The following VPS13C variants were observed in gnomAD, a reference collection of about 807,000 sequenced individuals.
The protein encoded by VPS13C is vacuolar protein sorting 13 homolog C, also known as intermembrane lipid transfer protein VPS13C.
In VPS13C, 358 loss-of-function variants were observed where a neutral mutation model predicts 456.8. The observed-to-expected ratio is 0.78, with a 90% CI of 0.72 to 0.86. The LOEUF (loss-of-function observed/expected upper bound fraction) is 0.86. Among genes scored for constraint, VPS13C ranks in the 40% least tolerant of loss-of-function variants. The pLI, the probability that VPS13C is intolerant of heterozygous loss-of-function variation, is 0.00. For synonymous variants in VPS13C, 1,578 were observed against 1,486.7 expected, an observed-to-expected ratio of 1.06 and a Z score of -1.41; for missense variants, 4,818 against 4,385.4, an observed-to-expected ratio of 1.10 and a Z score of -2.79.
In VPS13C at chr15:61,858,858, T is replaced by C. The variant is rs746941263; in HGVS notation, c.10953-2449A>G. On this transcript the variant is annotated intron_variant, in intron 82 of 84. Coordinates refer to ENST00000644861, the MANE Select transcript of VPS13C (RefSeq NM_020821.3). The surrounding 1 kb of genome is among the most constrained non-coding windows in gnomAD (Gnocchi z 4.4). The stretch of plus-strand genomic sequence containing the variant: ...AGCTTGGAAGTGGATTCTGTGGTAA[T>C]TTGTTGTGCAGCAATACAAAATGTA... Among the ~76,000 whole-genome samples, 1 of 152,160 alleles carries C rather than the reference T, an allele frequency of 6.6e-6. No homozygotes were observed. The highest frequency in any genetic ancestry group is 1.5e-5 in the Non-Finnish European group (1 of 68,030).
intron 82 of VPS13C, among the ~76,000 whole-genome samples, chr15:61,860,010 G>C (rs1382478038): frequency 6.6e-6 from 1 of 151,818 alleles, no homozygotes; most frequent in Non-Finnish European, 1.5e-5. Context: ...ACTAAGTTTT[G>C]GGTGAATTTC....
chr15:61,875,965 G>T, intron 75 of VPS13C, 120 bp from the exon 76 acceptor site: 1 of 659,660 alleles, frequency 1.5e-6, no homozygotes, highest in Non-Finnish European at 2.5e-6. Flanking sequence ...AAGCTGTATG[G>T]AATAATCACC....
intron 45 of VPS13C, among the ~76,000 whole-genome samples, chr15:61,945,166 C>T (rs557508893): frequency 1.1e-3 from 162 of 152,338 alleles, no homozygotes; most frequent in African/African-American, 3.7e-3. Context: ...CTGAGGCCTC[C>T]GCAGCTATGC....
At chr15:61,975,338 G>A (rs1272446816) in intron 24 of VPS13C, among the ~76,000 whole-genome samples, 1 of 151,986 alleles carries the variant, frequency 6.6e-6, no homozygotes, top group East Asian at 1.9e-4. Flanking sequence ...ACCAATAGCT[G>A]GTTCTCCCAG....
chr15:61,961,496 G>C (rs1282469377), intron 35 of VPS13C, 93 bp downstream of exon 35: 95 of 1,243,096 alleles, frequency 7.6e-5, no homozygotes, highest in Non-Finnish European at 8.7e-5. Flanking sequence ...CAGTTTATTT[G>C]AATAAACTGT....
chr15:62,043,630 A>G (rs1261604739), intron 2 of VPS13C, among the ~76,000 whole-genome samples: 1 of 152,090 alleles, frequency 6.6e-6, no homozygotes, highest in African/African-American at 2.4e-5. Context: ...ATAAAAATAA[A>G]AGGTTGGAAG....
intron 51 of VPS13C, among the ~76,000 whole-genome samples, chr15:61,929,099 G>C (rs569523713): frequency 6.6e-6 from 1 of 152,256 alleles, no homozygotes; most frequent in East Asian, 1.9e-4. Flanking sequence ...GACATCCAGG[G>C]AAGTCCTGCT....
chr15:61,925,480 A>G lies in VPS13C; in HGVS notation c.6585T>C (p.Ile2195=). The stretch of plus-strand genomic sequence containing the variant: ...CCTTAATTATAAATTCTTTAACCAT[A>G]ATATTTATATTTTGCTTTCCTGAAG... ...TWASGKQNIN[I]MVKEFIIKIS... The change falls in exon 53 of 85, where the codon ATT becomes ATC. Residue 2195 remains isoleucine (I), a synonymous_variant. Coordinates refer to ENST00000644861, the MANE Select transcript of VPS13C (RefSeq NM_020821.3). The G allele has an allele frequency of 6.3e-7, 1 of 1,591,432 alleles. No homozygotes were observed. Among genetic ancestry groups the G allele is most frequent in the Non-Finnish European group, 8.6e-7 (1 of 1,167,882 alleles).
chr15:61,854,303 G>C lies in VPS13C; in HGVS notation c.*154C>G, dbSNP rs867852575. On this transcript the variant is annotated 3_prime_UTR_variant, in exon 85 of 85. Coordinates refer to ENST00000644861, the MANE Select transcript of VPS13C (RefSeq NM_020821.3). ...TACAAAATTAGAGTAAAAACTAAAA[G>C]GTGAAAAAACTAGAAAACCCAATAC... 3 of 706,056 alleles carry C rather than the reference G, an allele frequency of 4.2e-6. No homozygotes were observed. The highest frequency in any genetic ancestry group is 1.8e-5 in the South Asian group (1 of 56,104). 43.7% of individuals were successfully genotyped at this position (706,056 alleles called of 1,614,324 possible).
At chr15:61,994,564 T>C (rs1301000981) in intron 16 of VPS13C, among the ~76,000 whole-genome samples, 1 of 152,016 alleles carries the variant, frequency 6.6e-6, no homozygotes, top group Non-Finnish European at 1.5e-5. Flanking sequence ...AATTCTGGTA[T>C]ATGCACAGAA....
At chr15:62,019,710 A>T (rs2047387802) in intron 9 of VPS13C, among the ~76,000 whole-genome samples, 1 of 152,058 alleles carries the variant, frequency 6.6e-6, no homozygotes, top group African/African-American at 2.4e-5. Flanking sequence ...ACTTCCAACT[A>T]TGTGGTCAAT....
chr15:61,986,418 C>T (rs1369027241), intron 18 of VPS13C, among the ~76,000 whole-genome samples: 1 of 151,856 alleles, frequency 6.6e-6, no homozygotes, highest in Non-Finnish European at 1.5e-5. Flanking sequence ...ATATAAAGAG[C>T]TGAAGAGAGA....
intron 1 of VPS13C, among the ~76,000 whole-genome samples, chr15:62,055,655 C>T (rs1169177625): frequency 2.6e-5 from 4 of 152,092 alleles, no homozygotes; most frequent in African/African-American, 9.7e-5. Context: ...GATCTTAAAA[C>T]TACTTCCAAA....
At chr15:61,992,070 C>A (rs1263800000) in intron 16 of VPS13C, among the ~76,000 whole-genome samples, 1 of 152,060 alleles carries the variant, frequency 6.6e-6, no homozygotes. Flanking sequence ...TAAAATACTT[C>A]TAAGCAATGT....
At position 62,010,546 on chromosome 15, in the gene VPS13C, A is replaced by T. The variant is rs1464565648; in HGVS notation, c.937T>A (p.Ser313Thr). 3 of 1,613,506 alleles carry T rather than the reference A, an allele frequency of 1.9e-6. No individual in the cohort carries two copies. ...AKLYMNPYAE[S>T]ELKTPKLDCN... The stretch of plus-strand genomic sequence containing the variant: ...TCCAGTTTGGGCGTTTTGAGCTCTG[A>T]TTCTGCATAAGGATTCATGTAGAGT... The change falls in exon 13 of 85, where the codon TCA becomes ACA. Residue 313 changes from serine to threonine, a missense_variant. Transcript: ENST00000644861.
chr15:61,889,710 C>T (rs1896537412), intron 67 of VPS13C, among the ~76,000 whole-genome samples: 1 of 152,072 alleles, frequency 6.6e-6, no homozygotes, highest in Admixed American at 6.6e-5. Flanking sequence ...CTCTCTGAAC[C>T]TTTTTTCCAA....
chr15:62,001,792 G>C (rs2046627874), intron 15 of VPS13C, among the ~76,000 whole-genome samples: 1 of 152,166 alleles, frequency 6.6e-6, no homozygotes, highest in Admixed American at 6.5e-5. Flanking sequence ...TCTTGCGATA[G>C]TTTACTGAGA....
chr15:61,901,898 G>A (rs1465730509), intron 66 of VPS13C, among the ~76,000 whole-genome samples: 2 of 152,058 alleles, frequency 1.3e-5, no homozygotes, highest in Admixed American at 6.5e-5. Context: ...TTAAGAAAAT[G>A]TGGCACATAT....
rs1457279496 is a variant in VPS13C, at chr15:61,880,941, G to C, written c.9790C>G (p.Leu3264Val). 1 of 1,597,442 alleles carries C rather than the reference G, an allele frequency of 6.3e-7. No homozygotes were observed. The highest frequency in any genetic ancestry group is 8.5e-7 in the Non-Finnish European group (1 of 1,174,522). ...ATTTTTAAGGCCATTTCCTGAATGA[G>C]GACCATAAAATACCTAAGAAAAAAA... is the stretch of plus-strand genomic sequence containing the variant. ...KVLQFKYFMV[L>V]IQEMALKIDQ... The change falls in exon 72 of 85, where the codon CTC becomes GTC. Residue 3264 changes from leucine (L) to valine (V), a missense_variant. Leu to Val is a conservative substitution (Grantham distance 32). Coordinates refer to ENST00000644861, the MANE Select transcript of VPS13C (RefSeq NM_020821.3).
Sources: gnomAD v4.1 joint callset for allele counts (sites outside exome capture counted in the v4.1 genomes callset) on GRCh38, gnomAD v4.1.1 for gene constraint, Gnocchi (gnomAD v3.1) non-coding constraint, MANE v1.5 for transcripts, NCBI Gene and HGNC (gene_info 2026-07-23, HGNC 2026-07-21) for gene names.